The following ATXN1 variants were observed in gnomAD, a reference collection of about 807,000 sequenced individuals.
The protein encoded by ATXN1 is ataxin-1.
In ATXN1, 8 loss-of-function variants were observed where a neutral mutation model predicts 56.4. That is an observed-to-expected ratio of 0.14 (90% CI 0.08 to 0.26). ATXN1 has a LOEUF of 0.26. Among genes scored for constraint, ATXN1 ranks in the 10% least tolerant of loss-of-function variants. ATXN1 has a pLI of 1.00. For synonymous variants in ATXN1, 514 were observed against 494.6 expected (o/e 1.04, Z -0.52); for missense variants, 987 against 1,106.5 (o/e 0.89, Z 1.53).
intron 3 of ATXN1, among the ~76,000 whole-genome samples, chr6:16,648,411 C>T (rs1412311056): frequency 6.6e-6 from 1 of 152,214 alleles, no homozygotes; most frequent in Admixed American, 6.5e-5. Flanking sequence ...ACTTAGGATG[C>T]TTCTGAGCCC....
At chr6:16,509,786 T>G (rs1198857542) in intron 5 of ATXN1, among the ~76,000 whole-genome samples, 1 of 152,180 alleles carries the variant, frequency 6.6e-6, no homozygotes, top group Non-Finnish European at 1.5e-5. Flanking sequence ...CTGAATTAAG[T>G]CCAGAGTTTC....
intron 3 of ATXN1, among the ~76,000 whole-genome samples, chr6:16,613,029 G>C (rs1446174890): frequency 6.6e-6 from 1 of 151,736 alleles, no homozygotes; most frequent in African/African-American, 2.4e-5. Context: ...ACTTTGGGAG[G>C]CCGAGGCGGG....
chr6:16,330,069 TTTTCTTTC>T (rs10588280), intron 6 of ATXN1, among the ~76,000 whole-genome samples: 5 of 151,308 alleles, frequency 3.3e-5, no homozygotes, highest in South Asian at 2.1e-4. Flanking sequence ...AATGATCTGA[TTTTCTTTC>T]TTTCTTTCTT....
intron 6 of ATXN1, among the ~76,000 whole-genome samples, chr6:16,478,369 A>C (rs1289717463): frequency 1.3e-5 from 2 of 152,172 alleles, no homozygotes; most frequent in African/African-American, 4.8e-5. Context: ...AGTTTCCTGA[A>C]AATTAGGGAG....
intron 6 of ATXN1, among the ~76,000 whole-genome samples, chr6:16,404,784 G>A (rs889617882): frequency 1.3e-5 from 2 of 152,158 alleles, no homozygotes; most frequent in African/African-American, 4.8e-5. Flanking sequence ...TTTAGTGGCC[G>A]GATCTCAGCC....
At chr6:16,711,588 T>A (rs1249261941) in intron 2 of ATXN1, among the ~76,000 whole-genome samples, 1 of 147,048 alleles carries the variant, frequency 6.8e-6, no homozygotes, top group Non-Finnish European at 1.5e-5. Flanking sequence ...GTTCACAAAA[T>A]AAAAAAAAAA....
intron 4 of ATXN1, among the ~76,000 whole-genome samples, chr6:16,570,659 G>A (rs1369705976): frequency 2.0e-5 from 3 of 152,140 alleles, no homozygotes; most frequent in Non-Finnish European, 4.4e-5. Context: ...TAATGGAAGA[G>A]GGGAGAAGAG....
chr6:16,609,668 G>A (rs576867483), intron 3 of ATXN1, among the ~76,000 whole-genome samples: 4 of 152,278 alleles, frequency 2.6e-5, no homozygotes, highest in South Asian at 2.1e-4. Context: ...TTTCCAGGGC[G>A]GGCTAGCCCT....
chr6:16,682,040 C>T (rs1461417087), intron 2 of ATXN1, among the ~76,000 whole-genome samples: 1 of 152,042 alleles, frequency 6.6e-6, no homozygotes, highest in Non-Finnish European at 1.5e-5. Context: ...CGCTGTTCTC[C>T]TTCCGAATGC....
chr6:16,382,173 A>G (rs1581725953), intron 6 of ATXN1, among the ~76,000 whole-genome samples: 1 of 152,092 alleles, frequency 6.6e-6, no homozygotes, highest in African/African-American at 2.4e-5. Context: ...GCAAGACCCC[A>G]TCTATACAAG....
At chr6:16,595,597 A>G (rs1168279877) in intron 3 of ATXN1, among the ~76,000 whole-genome samples, 1 of 152,280 alleles carries the variant, frequency 6.6e-6, no homozygotes, top group Non-Finnish European at 1.5e-5. Context: ...TGTGAAACAC[A>G]GTCAGTGTGT....
intron 5 of ATXN1, among the ~76,000 whole-genome samples, chr6:16,514,974 T>C (rs1761151789): frequency 1.3e-5 from 2 of 151,502 alleles, no homozygotes; most frequent in Admixed American, 1.3e-4. Context: ...AGAGCGAGGC[T>C]CTGTCTCAAA....
At chr6:16,722,980 G>A (rs901660916) in intron 2 of ATXN1, among the ~76,000 whole-genome samples, 1 of 152,178 alleles carries the variant, frequency 6.6e-6, no homozygotes, top group African/African-American at 2.4e-5. Context: ...AAGGTACAAG[G>A]TGTTTTTACC....
chr6:16,341,216 G>A (rs940813397), intron 6 of ATXN1, among the ~76,000 whole-genome samples: 1 of 152,204 alleles, frequency 6.6e-6, no homozygotes, highest in Non-Finnish European at 1.5e-5. Flanking sequence ...GACACTACTG[G>A]TTTCACTGTG....
At chr6:16,747,667 A>C (rs1257822223) in intron 2 of ATXN1, among the ~76,000 whole-genome samples, 1 of 152,192 alleles carries the variant, frequency 6.6e-6, no homozygotes, top group East Asian at 1.9e-4. Context: ...GACCAAAAAA[A>C]AAAAAAACAA....
chr6:16,363,817 G>GGTAA (rs1761862546), intron 6 of ATXN1, among the ~76,000 whole-genome samples: 1 of 152,174 alleles, frequency 6.6e-6, no homozygotes, highest in Non-Finnish European at 1.5e-5. Context: ...CCCAGTAAAG[G>GGTAA]GTAAGATGAT....
At chr6:16,543,488 G>A (rs1761754293) in intron 4 of ATXN1, among the ~76,000 whole-genome samples, 1 of 152,026 alleles carries the variant, frequency 6.6e-6, no homozygotes. Flanking sequence ...ACTCTTACAG[G>A]AAAGTATGCC....
rs1361955387 is a variant in ATXN1, at chr6:16,328,023, G to A, written c.288C>T (p.Val96=). The part of the protein sequence containing the change: ...DYSPPSAPRS[V]PVATTLPAAY... ...CGGCAGGCAGCGTGGTGGCCACGGGGACAGACCTGGGAGCGCTGGGCGGGG... is the reference window on the plus strand; with the variant it reads ...CGGCAGGCAGCGTGGTGGCCACGGGAACAGACCTGGGAGCGCTGGGCGGGG... The change falls in exon 7 of 8, where the codon GTC becomes GTT. Residue 96 remains valine, a synonymous_variant. Coordinates refer to ENST00000436367, the MANE Select transcript of ATXN1 (RefSeq NM_001128164.2). This position sits in a 1 kb window ranked among gnomAD's most constrained non-coding sequence, Gnocchi z 6.2. The A allele has an allele frequency of 1.2e-6, 2 of 1,613,496 alleles. No homozygotes were observed. The highest frequency in any genetic ancestry group is 1.7e-6 in the Non-Finnish European group (2 of 1,179,758).
In ATXN1 at chr6:16,731,483, T is replaced by A. The variant is rs1036117514; in HGVS notation, c.-615+21750A>T. On this transcript the variant is annotated intron_variant, in intron 2 of 7. Transcript: ENST00000436367. ...TTTTTTTTTTTTTTTTTTTTTTTTT[T>A]AATAAAAACGGAGGTCATTCCTCTT... is the stretch of plus-strand genomic sequence containing the variant. Among the ~76,000 whole-genome samples, 43 of 122,804 alleles carry A rather than the reference T, an allele frequency of 3.5e-4. 1 individual carries two copies. The highest frequency in any genetic ancestry group is 1.8e-3 in the East Asian group (8 of 4,484). The allele number at this position is 122,804 out of a possible 152,430, so 80.6% of individuals were successfully genotyped here.
Sources: gnomAD v4.1 joint callset for allele counts (sites outside exome capture counted in the v4.1 genomes callset) on GRCh38, gnomAD v4.1.1 for gene constraint, Gnocchi (gnomAD v3.1) non-coding constraint, MANE v1.5 for transcripts, NCBI Gene and HGNC (gene_info 2026-07-23, HGNC 2026-07-21) for gene names.